ASAH2: variants seen among roughly 807,000 people sequenced by gnomAD.
The protein encoded by ASAH2 is neutral ceramidase.
Under a neutral mutation model 82.9 loss-of-function variants are expected in ASAH2, and 58 were observed. That is an observed-to-expected ratio of 0.70 (90% CI 0.57 to 0.87). The LOEUF (loss-of-function observed/expected upper bound fraction) is 0.87, where lower values mean the gene tolerates loss of function less well. Among genes scored for constraint, ASAH2 ranks in the 40% least tolerant of loss-of-function variants. The pLI, the probability that ASAH2 is intolerant of heterozygous loss-of-function variation, is 0.00. For missense variants in ASAH2, 779 were observed against 834.0 expected (o/e 0.93, Z 0.81); for synonymous variants, 276 against 289.7 (o/e 0.95, Z 0.48).
chr10:50,205,921 C>A (rs1028091261), intron 13 of ASAH2, 61 bp downstream of exon 13: 3 of 1,249,346 alleles, frequency 2.4e-6, no homozygotes, highest in Admixed American at 1.7e-5. Flanking sequence ...CATTACCTGA[C>A]AGTTCACATA....
intron 12 of ASAH2, among the ~76,000 whole-genome samples, chr10:50,207,843 A>G (rs991902839): frequency 6.6e-6 from 1 of 151,932 alleles, no homozygotes. Flanking sequence ...ATAAAACCAG[A>G]CAAAGATATC....
intron 18 of ASAH2, among the ~76,000 whole-genome samples, chr10:50,194,999 A>G (rs1203050844): frequency 4.0e-5 from 6 of 150,028 alleles, no homozygotes; most frequent in East Asian, 2.0e-4. Context: ...TTTTTTTTTT[A>G]ATATGACCCC....
chr10:50,240,221 G>T (rs1846261661), intron 4 of ASAH2, among the ~76,000 whole-genome samples: 1 of 152,104 alleles, frequency 6.6e-6, no homozygotes, highest in South Asian at 2.1e-4. Flanking sequence ...GATAAAGGGG[G>T]AAATTGTTAG....
chr10:50,236,161 T>C, intron 4 of ASAH2, 97 bp from the exon 5 acceptor site: 1 of 1,036,626 alleles, frequency 9.6e-7, no homozygotes, highest in Non-Finnish European at 1.5e-6. Context: ...TCCATACCAA[T>C]AACATCTGTA....
chr10:50,199,038 A>C lies in ASAH2; in HGVS notation c.1857+13T>G. 6.2e-7 allele frequency: 1 copy of C among 1,612,898 alleles called. No homozygotes were observed. The highest frequency in any genetic ancestry group is 8.5e-7 in the Non-Finnish European group (1 of 1,179,284). ...CGCACGCGCGCATGCACGCACAAAC[A>C]ATATTTGATTACCGTAGCAATAGCC... On this transcript the variant is annotated intron_variant, in intron 17 of 20. Coordinates refer to ENST00000682911, the MANE Select transcript of ASAH2 (RefSeq NM_019893.4).
chr10:50,210,909 A>C lies in ASAH2; in HGVS notation c.1333-5T>G. On this transcript the variant is annotated splice_region_variant and splice_polypyrimidine_tract_variant and intron_variant, in intron 11 of 20. Coordinates refer to ENST00000682911, the MANE Select transcript of ASAH2 (RefSeq NM_019893.4). ...TGCTGGTTTACATGTTTTTGACTAA[A>C]GGAAAAGTTTTAAAAACAAAACAAA... 1 of 1,613,084 alleles carries C rather than the reference A, an allele frequency of 6.2e-7. No homozygotes were observed. Among genetic ancestry groups the C allele is most frequent in the East Asian group, 2.2e-5 (1 of 44,884 alleles).
chr10:50,217,290 C>A (rs1845630040), intron 8 of ASAH2, among the ~76,000 whole-genome samples: 1 of 148,980 alleles, frequency 6.7e-6, no homozygotes, highest in African/African-American at 2.5e-5. Flanking sequence ...TGCAATGGCA[C>A]GATCTTGGCT....
chr10:50,211,612 A>G lies in ASAH2; in HGVS notation c.1228-478T>C, dbSNP rs1845455824. Among the ~76,000 whole-genome samples, 3 of 152,176 alleles carry G rather than the reference A, an allele frequency of 2.0e-5. No individual in the cohort carries two copies. The South Asian group carries it at 6.2e-4, about 32-fold the overall frequency. ...TTTGTCTGCAGCACTTCGCCCACCC[A>G]CAATCCACTCTTCGGTGCTTTTGCT... On this transcript the variant is annotated intron_variant, in intron 10 of 20. Transcript: ENST00000682911.
chr10:50,238,116 C>T (rs1175671546), intron 4 of ASAH2, among the ~76,000 whole-genome samples: 1 of 152,172 alleles, frequency 6.6e-6, no homozygotes, highest in Non-Finnish European at 1.5e-5. Flanking sequence ...AAAAACTCCT[C>T]ATCATGATCA....
rs746716344 is a variant in ASAH2 at position 50,245,224 on chromosome 10, A to T, written c.358T>A (p.Leu120Met). 3 of 1,612,652 alleles carry T rather than the reference A, an allele frequency of 1.9e-6. No individual in the cohort carries two copies. In the South Asian group the frequency reaches 3.3e-5, roughly 18 times the overall value. The stretch of plus-strand genomic sequence containing the variant: ...TAAGGAGCCCATTGTCTACTTGCCA[A>T]ATTGATATCTGCTACTTGTCCTGTG... ...DCTGQVADINLMGYGKSGQNA... is the reference protein window; with the variant it reads ...DCTGQVADINMMGYGKSGQNA... Residue 120 changes from leucine to methionine, a missense_variant and splice_region_variant, in exon 3 of 21, where the codon TTG (leucine) becomes ATG (methionine). Leu to Met is a conservative substitution (Grantham distance 15). Around this residue, in one of 3 missense-constraint regions of ASAH2, gnomAD observed 759 missense variants for 755.2 expected, o/e 1.00. Coordinates refer to ENST00000682911, the MANE Select transcript of ASAH2 (RefSeq NM_019893.4).
chr10:50,207,501 T>C (rs1845330902), intron 12 of ASAH2, among the ~76,000 whole-genome samples: 1 of 151,508 alleles, frequency 6.6e-6, no homozygotes, highest in Admixed American at 6.6e-5. Flanking sequence ...ATACTGACTT[T>C]AAAGAAATAA....
chr10:50,193,373 CCAAA>C (rs1844893270), intron 18 of ASAH2, among the ~76,000 whole-genome samples: 1 of 150,672 alleles, frequency 6.6e-6, no homozygotes, highest in African/African-American at 2.4e-5. Context: ...TCCACAAAAG[CCAAA>C]CAGTCTTGAG....
At chr10:50,210,710 G>C in intron 12 of ASAH2, 113 bp downstream of exon 12, 1 of 1,009,924 alleles carries the variant, frequency 9.9e-7, no homozygotes, top group Non-Finnish European at 1.6e-6. Context: ...AAAACCAGCA[G>C]ACCCTGAGTT....
chr10:50,212,552 G>T (rs982249861), intron 10 of ASAH2, among the ~76,000 whole-genome samples: 3 of 152,092 alleles, frequency 2.0e-5, no homozygotes, highest in Non-Finnish European at 2.9e-5. Flanking sequence ...GCTTTCTCTT[G>T]TCACCAAAGG....
intron 7 of ASAH2, among the ~76,000 whole-genome samples, chr10:50,228,072 C>G (rs1845936438): frequency 6.6e-6 from 1 of 152,082 alleles, no homozygotes; most frequent in African/African-American, 2.4e-5. Flanking sequence ...GCCTGTGATC[C>G]CAACACTCTG....
At chr10:50,248,972 C>T (rs752984887) in intron 1 of ASAH2, among the ~76,000 whole-genome samples, 5 of 152,166 alleles carry the variant, frequency 3.3e-5, no homozygotes, top group Non-Finnish European at 7.3e-5. Flanking sequence ...TCATTTATGG[C>T]GATGATGCTG....
chr10:50,202,771 A>G, intron 16 of ASAH2, 58 bp downstream of exon 16: 1 of 1,170,554 alleles, frequency 8.5e-7, no homozygotes, highest in Non-Finnish European at 1.3e-6. Flanking sequence ...TCTGCATTTG[A>G]CACAATAGTC....
chr10:50,215,086 C>T (rs960462828), intron 8 of ASAH2, among the ~76,000 whole-genome samples: 6 of 152,180 alleles, frequency 3.9e-5, no homozygotes, highest in Non-Finnish European at 8.8e-5. Context: ...TCCCATTTGC[C>T]AATGTTGGCT....
intron 7 of ASAH2, among the ~76,000 whole-genome samples, chr10:50,222,415 A>T (rs1047877992): frequency 1.3e-5 from 2 of 152,116 alleles, no homozygotes; most frequent in South Asian, 2.1e-4. Flanking sequence ...AGTAGCTGGC[A>T]CTACAGATGT....
Sources: allele counts gnomAD v4.1 joint callset (sites outside exome capture counted in the v4.1 genomes callset), GRCh38; gene constraint gnomAD v4.1.1; regional missense constraint gnomAD v4.1.1; transcripts MANE v1.5; gene names NCBI Gene and HGNC (gene_info 2026-07-23, HGNC 2026-07-21).